TBCEL: variants seen among roughly 807,000 people sequenced by gnomAD.
TBCEL encodes tubulin folding cofactor E like, also known as tubulin-specific chaperone cofactor E-like protein.
A neutral mutation model predicts 44.2 loss-of-function variants in TBCEL; 15 were observed. The observed-to-expected ratio is 0.34, with a 90% CI of 0.23 to 0.52. The LOEUF (loss-of-function observed/expected upper bound fraction) is 0.52, where lower values mean the gene tolerates loss of function less well. TBCEL is among the 20% of genes least tolerant of loss of function. TBCEL has a pLI of 0.95. For missense variants in TBCEL, 319 were observed against 506.3 expected, an observed-to-expected ratio of 0.63 and a Z score of 3.55; for synonymous variants, 171 against 185.4, an observed-to-expected ratio of 0.92 and a Z score of 0.63.
intron 8 of TBCEL, among the ~76,000 whole-genome samples, chr11:121,079,944 A>C (rs1052270461): frequency 6.6e-6 from 1 of 152,096 alleles, no homozygotes; most frequent in African/African-American, 2.4e-5. Context: ...CTTCCTGAGT[A>C]GGTGGGATTA....
chr11:121,032,824 T>G (rs1945167991), intron 1 of TBCEL, among the ~76,000 whole-genome samples: 1 of 152,346 alleles, frequency 6.6e-6, no homozygotes, highest in South Asian at 2.1e-4. Context: ...ACATACCCGT[T>G]GAACAACTCA....
At chr11:121,038,776 C>A (rs943661094) in intron 2 of TBCEL, among the ~76,000 whole-genome samples, 1 of 152,116 alleles carries the variant, frequency 6.6e-6, no homozygotes, top group Non-Finnish European at 1.5e-5. Flanking sequence ...ACAACTCTTT[C>A]TTAATCCTAG....
chr11:121,047,519 A>G lies in TBCEL; in HGVS notation c.134-9A>G, dbSNP rs759602923. On this transcript the variant is annotated splice_polypyrimidine_tract_variant and intron_variant, in intron 3 of 8. Transcript: ENST00000683345. ...ATATAGAAAACATTTTGTGTCTCTC[A>G]TCATTCAGATCGCCTCAACCTCCCA... 6.8e-6 allele frequency: 11 copies of G among 1,611,628 alleles called. No homozygotes were observed. The highest frequency in any genetic ancestry group is 3.3e-5 in the South Asian group (3 of 90,968).
chr11:121,039,159 C>A (rs765414310), intron 2 of TBCEL, among the ~76,000 whole-genome samples: 1 of 152,216 alleles, frequency 6.6e-6, no homozygotes, highest in Non-Finnish European at 1.5e-5. Flanking sequence ...CTTTCCCCCT[C>A]GTCAGCACAC....
intron 3 of TBCEL, among the ~76,000 whole-genome samples, chr11:121,046,316 T>G (rs1248512017): frequency 6.6e-6 from 1 of 152,140 alleles, no homozygotes; most frequent in Admixed American, 6.5e-5. Context: ...TAGAATTTGG[T>G]TAGAGATGAG....
chr11:121,045,622 A>T, intron 2 of TBCEL, 52 bp from the exon 3 acceptor site: 1 of 1,432,080 alleles, frequency 7.0e-7, no homozygotes, highest in Non-Finnish European at 9.4e-7. Context: ...AATACTTCTT[A>T]TGTGAGTAAA....
In TBCEL at chr11:121,088,612, C is replaced by T. The variant is rs1214883134; in HGVS notation, c.*1516C>T. On this transcript the variant is annotated 3_prime_UTR_variant, in exon 9 of 9. Transcript: ENST00000683345. ...CAGTTATTATCTGATTGCATTTGAC[C>T]TTTTGACCTTTGTTACATAATTCTA... The T allele has an allele frequency of 6.6e-6, 1 of 152,106 alleles. No homozygotes were observed. Among genetic ancestry groups the T allele is most frequent in the East Asian group, 1.9e-4 (1 of 5,198 alleles). The allele number at this position is 152,106 out of a possible 1,614,324, so 9.4% of individuals were successfully genotyped here.
intron 8 of TBCEL, among the ~76,000 whole-genome samples, chr11:121,064,891 A>G (rs557700914): frequency 1.2e-3 from 176 of 152,122 alleles, no homozygotes; most frequent in African/African-American, 4.1e-3. Context: ...CAGTGGTGCA[A>G]TCTCGGCTCA....
chr11:121,048,644 G>A (rs1040755074), intron 4 of TBCEL, among the ~76,000 whole-genome samples: 1 of 151,716 alleles, frequency 6.6e-6, no homozygotes, highest in African/African-American at 2.4e-5. Context: ...TTTAATATAT[G>A]ACTCATGATT....
intron 8 of TBCEL, among the ~76,000 whole-genome samples, chr11:121,078,360 C>G (rs369352865): frequency 2.0e-5 from 3 of 152,112 alleles, no homozygotes; most frequent in Non-Finnish European, 4.4e-5. Context: ...GCTCGTCTCT[C>G]CCTGTCTAAT....
chr11:121,035,867 G>C (rs926435897), intron 1 of TBCEL: 2 of 152,180 alleles, frequency 1.3e-5, no homozygotes, highest in Admixed American at 6.5e-5. Flanking sequence ...ACTCAGTACT[G>C]TTGCTTAGTT....
At chr11:121,044,008 A>G (rs949329476) in intron 2 of TBCEL, among the ~76,000 whole-genome samples, 1 of 152,072 alleles carries the variant, frequency 6.6e-6, no homozygotes, top group Non-Finnish European at 1.5e-5. Flanking sequence ...CTTGTTAGTT[A>G]ATGGTATCAC....
chr11:121,069,209 AC>A (rs1404836321), intron 8 of TBCEL, among the ~76,000 whole-genome samples: 1 of 152,156 alleles, frequency 6.6e-6, no homozygotes, highest in East Asian at 1.9e-4. Context: ...AGGAGTAGGG[AC>A]TGTTTCTGTT....
At chr11:121,077,362 G>A (rs1768115456) in intron 8 of TBCEL, among the ~76,000 whole-genome samples, 1 of 151,990 alleles carries the variant, frequency 6.6e-6, no homozygotes, top group Non-Finnish European at 1.5e-5. Context: ...AGCTTTAGTA[G>A]TTTGTATTTT....
At chr11:121,051,647 A>C (rs367665811) in intron 4 of TBCEL, among the ~76,000 whole-genome samples, 21 of 151,852 alleles carry the variant, frequency 1.4e-4, no homozygotes, top group African/African-American at 4.1e-4. Context: ...TGATCGCAAA[A>C]GGGATCAAGC....
At chr11:121,034,695 C>T (rs535161413) in intron 1 of TBCEL, among the ~76,000 whole-genome samples, 54 of 151,992 alleles carry the variant, frequency 3.6e-4, no homozygotes, top group African/African-American at 1.3e-3. Context: ...TTTGAAGTCA[C>T]AAGACAAACA....
rs938155933 is a variant in TBCEL, at chr11:121,073,294, C to T, written c.956+13209C>T. Among the ~76,000 whole-genome samples, 6 of 151,822 alleles carry T rather than the reference C, an allele frequency of 4.0e-5. No homozygotes were observed. In the South Asian group the frequency reaches 1.2e-3, roughly 31 times the overall value. On this transcript the variant is annotated intron_variant, in intron 8 of 8. Coordinates refer to ENST00000683345, the MANE Select transcript of TBCEL (RefSeq NM_001363644.2). ...ATCTGTGAACATAGAATGTTTTTTT[C>T]ATTTAACTCAGAATATTTTTTATTT...
At chr11:121,030,233 G>A (rs1023450574) in intron 1 of TBCEL, among the ~76,000 whole-genome samples, 3 of 152,186 alleles carry the variant, frequency 2.0e-5, no homozygotes, top group East Asian at 1.9e-4. Flanking sequence ...AGAAAACCAC[G>A]GAGGCTGAGT....
chr11:121,041,780 C>G (rs1291407180), intron 2 of TBCEL, among the ~76,000 whole-genome samples: 1 of 152,092 alleles, frequency 6.6e-6, no homozygotes. Context: ...CATTACCAAT[C>G]CATTTCACAA....
Sources: gnomAD v4.1 joint callset for allele counts (sites outside exome capture counted in the v4.1 genomes callset) on GRCh38, gnomAD v4.1.1 for gene constraint, MANE v1.5 for transcripts, NCBI Gene and HGNC (gene_info 2026-07-23, HGNC 2026-07-21) for gene names.